RAB33A: variants seen among roughly 807,000 people sequenced by gnomAD.
The protein encoded by RAB33A is RAB33A, member RAS oncogene family.
In RAB33A, 6 loss-of-function variants were observed where a neutral mutation model predicts 12.0. That is an observed-to-expected ratio of 0.50 (90% CI 0.27 to 0.99). The LOEUF (loss-of-function observed/expected upper bound fraction) is 0.99. Ranked by LOEUF, RAB33A falls within the 50% of genes least tolerant of loss-of-function variation. The pLI, the probability that RAB33A is intolerant of heterozygous loss-of-function variation, is 0.11. For missense variants in RAB33A, 109 were observed against 192.0 expected (o/e 0.57, Z 2.55); for synonymous variants, 70 against 82.4 (o/e 0.85, Z 0.81).
chrX:130,182,139 C>CAAAAA (rs1188540923), intron 1 of RAB33A, among the ~76,000 whole-genome samples: 3,199 of 30,491 alleles, frequency 0.1, 728 homozygotes, highest in African/African-American at 0.34. Context: ...TCTGTCTCTA[C>CAAAAA]AAAAAAAAAA....
the RAB33A span, among the ~76,000 whole-genome samples, chrX:130,125,782 C>A: frequency 2.7e-5 from 3 of 111,722 alleles, no homozygotes; most frequent in Admixed American, 9.5e-5. Flanking sequence ...CTCTTGTCTC[C>A]AAAACAGGCC....
the RAB33A span, among the ~76,000 whole-genome samples, chrX:130,113,927 A>G: frequency 1.8e-5 from 2 of 112,074 alleles, no homozygotes; most frequent in Non-Finnish European, 3.8e-5. Flanking sequence ...ACTGAATGAG[A>G]TAACAAATGT....
chrX:130,174,208 A>G (rs1161496905), intron 1 of RAB33A, among the ~76,000 whole-genome samples: 2 of 112,589 alleles, frequency 1.8e-5, no homozygotes, highest in Non-Finnish European at 3.8e-5. Context: ...AGCCTGTGAC[A>G]GTGTGACTCA....
chrX:130,138,447 A>G, the RAB33A span: 1 of 481,626 alleles, frequency 2.1e-6, no homozygotes, highest in South Asian at 2.9e-5. Context: ...CCTGGGTGAC[A>G]GAGCGAGACT....
upstream of RAB33A, among the ~76,000 whole-genome samples, chrX:130,168,460 C>T (rs1489645926): frequency 1.8e-5 from 2 of 111,303 alleles, no homozygotes; most frequent in Non-Finnish European, 3.8e-5. Flanking sequence ...GGTGATCGCC[C>T]GCCTCGGCCT....
the RAB33A span, among the ~76,000 whole-genome samples, chrX:130,126,128 T>TGTGGCC: frequency 8.9e-6 from 1 of 112,414 alleles, no homozygotes; most frequent in African/African-American, 3.2e-5. Context: ...CACACTGTGG[T>TGTGGCC]GTGGCCCAGC....
intron 1 of RAB33A, among the ~76,000 whole-genome samples, chrX:130,177,077 A>T (rs1003827728): frequency 3.6e-5 from 4 of 112,395 alleles, no homozygotes; most frequent in Non-Finnish European, 5.6e-5. Flanking sequence ...GCAGTTCCCC[A>T]TGCTGTGCCC....
intron 1 of RAB33A, among the ~76,000 whole-genome samples, chrX:130,175,206 T>C (rs209549): frequency 0.49 from 53,371 of 109,851 alleles, 10,019 homozygotes; most frequent in African/African-American, 0.67. Context: ...CTTTGACTCT[T>C]GAGCCCAAGC....
the RAB33A span, among the ~76,000 whole-genome samples, chrX:130,153,379 G>A: frequency 9.5e-6 from 1 of 105,032 alleles, no homozygotes; most frequent in East Asian, 2.9e-4. Flanking sequence ...AAAAAAGTCG[G>A]CAGTTTACTC....
At chrX:130,152,581 C>A in the RAB33A span, among the ~76,000 whole-genome samples, 1 of 111,734 alleles carries the variant, frequency 8.9e-6, no homozygotes, top group African/African-American at 3.2e-5. Context: ...TGAGGCAATG[C>A]AATCCTATAG....
chrX:130,139,740 G>A, the RAB33A span: 1 of 1,157,327 alleles, frequency 8.6e-7, no homozygotes, highest in South Asian at 1.8e-5. Flanking sequence ...GGGACTGCAA[G>A]ATTATACTAC....
chrX:130,174,343 G>A (rs1389729864), intron 1 of RAB33A, among the ~76,000 whole-genome samples: 1 of 111,902 alleles, frequency 8.9e-6, no homozygotes, highest in African/African-American at 3.2e-5. Flanking sequence ...TCCTCTGAGG[G>A]CAGATTCCAA....
chrX:130,122,430 C>G, the RAB33A span, among the ~76,000 whole-genome samples: 1 of 111,048 alleles, frequency 9.0e-6, no homozygotes, highest in Non-Finnish European at 1.9e-5. Flanking sequence ...CCTGTATGCA[C>G]TTTCCTTTTG....
intron 1 of RAB33A, among the ~76,000 whole-genome samples, chrX:130,178,616 C>T (rs113903228): frequency 0.51 from 55,995 of 109,348 alleles, 11,536 homozygotes; most frequent in African/African-American, 0.77. Flanking sequence ...GGTGACTGAG[C>T]GAGACCATGT....
chrX:130,120,883 C>T, the RAB33A span, among the ~76,000 whole-genome samples: 3 of 113,346 alleles, frequency 2.6e-5, no homozygotes, highest in Non-Finnish European at 5.6e-5. Context: ...CACCTGCACG[C>T]GGAACGCGGC....
At chrX:130,151,992 T>A in the RAB33A span, among the ~76,000 whole-genome samples, 1 of 109,823 alleles carries the variant, frequency 9.1e-6, no homozygotes, top group South Asian at 3.9e-4. Flanking sequence ...TGAGCCGAGA[T>A]TGCACCACTG....
chrX:130,137,333 G>A, the RAB33A span: 8 of 1,166,856 alleles, frequency 6.9e-6, no homozygotes, highest in Non-Finnish European at 9.2e-6. Context: ...AGGACAGTGG[G>A]CATGAGGGCC....
intron 1 of RAB33A, among the ~76,000 whole-genome samples, chrX:130,182,296 T>G (rs957698314): frequency 5.7e-5 from 6 of 105,018 alleles, no homozygotes; most frequent in African/African-American, 1.7e-4. Flanking sequence ...TATGCATACT[T>G]GTAGAAGAAA....
chrX:130,143,579 G>A, the RAB33A span, among the ~76,000 whole-genome samples: 4 of 110,938 alleles, frequency 3.6e-5, no homozygotes, highest in East Asian at 8.4e-4. Context: ...GGCTGGACAC[G>A]ATGGCTCATG....
Sources: gnomAD v4.1 joint callset for allele counts (sites outside exome capture counted in the v4.1 genomes callset) on GRCh38, gnomAD v4.1.1 for gene constraint, MANE v1.5 for transcripts, NCBI Gene and HGNC (gene_info 2026-07-23, HGNC 2026-07-21) for gene names.